The following ESYT3 variants were observed in gnomAD, a reference collection of about 807,000 sequenced individuals.
ESYT3 encodes the protein extended synaptotagmin 3.
ESYT3 carries 101 observed loss-of-function variants against 111.5 expected under a neutral mutation model. The ratio of observed to expected loss-of-function variants is 0.91; its 90% CI spans 0.77 to 1.07. ESYT3 has a LOEUF of 1.07. ESYT3 is among the 50% of genes least tolerant of loss of function. The probability of loss-of-function intolerance (pLI) is 0.00; values close to 1 mark genes in which losing one functional copy is unlikely to be tolerated. For synonymous variants in ESYT3, 416 were observed against 446.8 expected, an observed-to-expected ratio of 0.93 and a Z score of 0.87; for missense variants, 1,097 against 1,109.4, an observed-to-expected ratio of 0.99 and a Z score of 0.16.
intron 3 of ESYT3, among the ~76,000 whole-genome samples, chr3:138,456,995 T>TC (rs969797017): frequency 4.3e-4 from 65 of 152,138 alleles, no homozygotes; most frequent in African/African-American, 1.5e-3. Context: ...GCCACCCCCC[T>TC]CCCTCTGCTC....
chr3:138,467,977 C>G, intron 11 of ESYT3, 128 bp from the exon 12 acceptor site: 1 of 768,920 alleles, frequency 1.3e-6, no homozygotes, highest in Non-Finnish European at 2.2e-6. Flanking sequence ...GCTGGTCCAC[C>G]TTTTCCCATA....
Position 138,435,249 on chromosome 3 carries a change from A to AC in ESYT3, c.327+128dup. ...AGGGCGGGAGCCCGGCGACCTGCAC[A>AC]CCCCGTTCCCCACCGCTCCCGGGGC... On this transcript the variant is annotated intron_variant, in intron 1 of 22. Coordinates refer to ENST00000389567, the MANE Select transcript of ESYT3 (RefSeq NM_031913.5). This position sits in a 1 kb window ranked among gnomAD's most constrained non-coding sequence, Gnocchi z 4.8. 2.1e-6 allele frequency: 2 copies of AC among 963,786 alleles called. No individual in the cohort carries two copies. Among genetic ancestry groups the AC allele is most frequent in the Non-Finnish European group, 3.0e-6 (2 of 670,590 alleles). 59.7% of individuals were successfully genotyped at this position (963,786 alleles called of 1,614,324 possible).
At chr3:138,454,387 A>C (rs1476116832) in intron 2 of ESYT3, among the ~76,000 whole-genome samples, 1 of 152,126 alleles carries the variant, frequency 6.6e-6, no homozygotes, top group Non-Finnish European at 1.5e-5. Flanking sequence ...AAAAATAAAA[A>C]AAAAATTAAA....
chr3:138,467,635 G>A (rs770748248), intron 11 of ESYT3, 26 bp downstream of exon 11: 1 of 1,612,930 alleles, frequency 6.2e-7, no homozygotes, highest in South Asian at 1.1e-5. Flanking sequence ...GCAACCCTCG[G>A]GGGAGTTTCA....
chr3:138,475,132 G>C (rs1214793576), intron 20 of ESYT3, among the ~76,000 whole-genome samples: 3 of 152,200 alleles, frequency 2.0e-5, no homozygotes, highest in Non-Finnish European at 4.4e-5. Context: ...GTATGAGGAA[G>C]AGAGACTATT....
intron 15 of ESYT3, 94 bp from the exon 16 acceptor site, chr3:138,469,966 A>G (rs1465600668): frequency 6.6e-6 from 7 of 1,062,924 alleles, no homozygotes; most frequent in Middle Eastern, 2.1e-4. Flanking sequence ...AAGGTTCCCA[A>G]TGGTACCTGG....
intron 1 of ESYT3, among the ~76,000 whole-genome samples, chr3:138,449,189 ATTC>A (rs2031768987): frequency 6.7e-6 from 1 of 150,318 alleles, no homozygotes; most frequent in African/African-American, 2.5e-5. Context: ...GGTTCAAGCA[ATTC>A]TTCTGCCTCA....
At chr3:138,458,478 C>T (rs1560227495) in intron 4 of ESYT3, among the ~76,000 whole-genome samples, 1 of 152,260 alleles carries the variant, frequency 6.6e-6, no homozygotes, top group Non-Finnish European at 1.5e-5. Flanking sequence ...CTCACTCCTG[C>T]CCTTTCAAGA....
rs763990203 is a variant in ESYT3, at chr3:138,476,212, G to T, written c.2469-11G>T. On this transcript the variant is annotated splice_polypyrimidine_tract_variant and intron_variant, in intron 20 of 22. Coordinates refer to ENST00000389567, the MANE Select transcript of ESYT3 (RefSeq NM_031913.5). ...AATGCATAATTCTCACTTCCTTTTTGCTTCCTAAAGATTTGAATTTTTTGT... is the reference window on the plus strand; with the variant it reads ...AATGCATAATTCTCACTTCCTTTTTTCTTCCTAAAGATTTGAATTTTTTGT... 13 of 1,540,922 alleles carry T rather than the reference G, an allele frequency of 8.4e-6. No homozygotes were observed. The South Asian group carries it at 1.4e-4, about 16-fold the overall frequency.
intron 16 of ESYT3, 125 bp downstream of exon 16, chr3:138,470,271 A>G: frequency 7.2e-7 from 1 of 1,394,712 alleles, no homozygotes; most frequent in Non-Finnish European, 9.4e-7. Flanking sequence ...CTTGTATGTA[A>G]GAGAGGACAC....
At chr3:138,454,553 G>A (rs763219417) in intron 2 of ESYT3, among the ~76,000 whole-genome samples, 15 of 152,096 alleles carry the variant, frequency 9.9e-5, no homozygotes, top group Middle Eastern at 3.2e-3. Flanking sequence ...GCGAAACTCC[G>A]TTTGAGAAAA....
rs1193057206 is a variant in ESYT3, at chr3:138,434,908, C to T, written c.110C>T (p.Thr37Ile). The T allele has an allele frequency of 1.3e-6, 2 of 1,551,550 alleles. No individual in the cohort carries two copies. Among genetic ancestry groups the T allele is most frequent in the South Asian group, 1.2e-5 (1 of 84,050 alleles). Reference sequence around the variant, plus strand: ...AGCCAGCTGCTGCCCGAGCTCTGTACCTTCGTGGTGCGCGTGCTGTTCTAC... The same window carrying T: ...AGCCAGCTGCTGCCCGAGCTCTGTATCTTCGTGGTGCGCGTGCTGTTCTAC... ...LSSQLLPELC[T>I]FVVRVLFYLG... is the part of the protein sequence containing the mutation. Residue 37 changes from threonine to isoleucine, a missense_variant, in exon 1 of 23, where the codon ACC becomes ATC. Physicochemically the swap from Thr to Ile is moderately conservative, Grantham distance 89. Transcript: ENST00000389567.
chr3:138,456,173 A>G (rs1316209567), intron 3 of ESYT3, among the ~76,000 whole-genome samples: 1 of 152,338 alleles, frequency 6.6e-6, no homozygotes, highest in African/African-American at 2.4e-5. Context: ...GGCTTGTGCC[A>G]GCATCTGTTG....
At chr3:138,457,344 C>T (rs1186097439) in intron 3 of ESYT3, among the ~76,000 whole-genome samples, 1 of 152,284 alleles carries the variant, frequency 6.6e-6, no homozygotes. Flanking sequence ...CTCAGGGCCA[C>T]TCTGTGTGGC....
In ESYT3 at chr3:138,451,941, T is replaced by TG. The variant is rs776125273; in HGVS notation, c.328-106dup. 7.0e-4 allele frequency: 877 copies of TG among 1,247,438 alleles called. 1 individual carries two copies. Among genetic ancestry groups the TG allele is most frequent in the Non-Finnish European group, 9.5e-4 (814 of 855,108 alleles). The allele number at this position is 1,247,438 out of a possible 1,614,324, so 77.3% of individuals were successfully genotyped here. A position where few individuals can be genotyped will look rare whatever the true frequency, so the allele number is the denominator to read the frequency against. On this transcript the variant is annotated intron_variant, in intron 1 of 22. Coordinates refer to ENST00000389567, the MANE Select transcript of ESYT3 (RefSeq NM_031913.5). Reference sequence around the variant, plus strand: ...CGTGGAGGCGGCGGGGAGGAAGGGTTGAGGTGCAGCGCGTGGGCGGAATGG... The same window carrying TG: ...CGTGGAGGCGGCGGGGAGGAAGGGTTGGAGGTGCAGCGCGTGGGCGGAATGG...
At chr3:138,438,452 T>G (rs1015953601) in intron 1 of ESYT3, among the ~76,000 whole-genome samples, 1 of 152,142 alleles carries the variant, frequency 6.6e-6, no homozygotes, top group Non-Finnish European at 1.5e-5. Context: ...CACCTTTTTC[T>G]AATTTGCACC....
At position 138,473,073 on chromosome 3, in the gene ESYT3, A is replaced by G. The variant is rs1305322309; in HGVS notation, c.2237+214A>G. The G allele has an allele frequency of 1.9e-5, 27 of 1,417,682 alleles. 1 individual carries two copies. The Admixed American group carries it at 8.1e-4, about 43-fold the overall frequency. 87.8% of individuals were successfully genotyped at this position (1,417,682 alleles called of 1,614,324 possible). A position where few individuals can be genotyped will look rare whatever the true frequency, so the allele number is the denominator to read the frequency against. ...GCTCTAGCTGCGTACTGACTATAAA[A>G]TAGATGCTGGACTCTGGTTGGTAAG... is the stretch of plus-strand genomic sequence containing the variant. On this transcript the variant is annotated intron_variant, in intron 18 of 22. Coordinates refer to ENST00000389567, the MANE Select transcript of ESYT3 (RefSeq NM_031913.5).
At chr3:138,450,053 C>G (rs1298407278) in intron 1 of ESYT3, among the ~76,000 whole-genome samples, 1 of 152,202 alleles carries the variant, frequency 6.6e-6, no homozygotes, top group Non-Finnish European at 1.5e-5. Flanking sequence ...CCCAGAGAGG[C>G]TTCCTGCAAG....
rs1041110931 is a variant in ESYT3, at chr3:138,470,921, C to A, written c.1635C>A (p.Val545=). ...DQECALGMLE[V]PLCQILPYAD... is the part of the protein sequence containing the mutation. ...AGTGTGCTCTGGGAATGCTGGAGGTCCCCCTGTGCCAGATCCTCCCCTATG... is the reference window on the plus strand; with the variant it reads ...AGTGTGCTCTGGGAATGCTGGAGGTACCCCTGTGCCAGATCCTCCCCTATG... The change falls in exon 17 of 23, where the codon GTC becomes GTA. Residue 545 remains valine, a synonymous_variant. Transcript: ENST00000389567. 19 of 1,614,040 alleles carry A rather than the reference C, an allele frequency of 1.2e-5. No homozygotes were observed. The highest frequency in any genetic ancestry group is 1.7e-5 in the Admixed American group (1 of 60,008).
Sources: gnomAD v4.1 joint callset for allele counts (sites outside exome capture counted in the v4.1 genomes callset) on GRCh38, gnomAD v4.1.1 for gene constraint, Gnocchi (gnomAD v3.1) non-coding constraint, MANE v1.5 for transcripts, NCBI Gene and HGNC (gene_info 2026-07-23, HGNC 2026-07-21) for gene names.